Variants in TLE3 observed in about 807,000 individuals in gnomAD.
TLE3 encodes the protein transducin-like enhancer protein 3.
Under a neutral mutation model 93.0 loss-of-function variants are expected in TLE3, and 14 were observed. That is an observed-to-expected ratio of 0.15 (90% CI 0.10 to 0.24). TLE3 has a LOEUF of 0.24. Ranked by LOEUF, TLE3 falls within the 10% of genes least tolerant of loss-of-function variation. The pLI, the probability that TLE3 is intolerant of heterozygous loss-of-function variation, is 1.00. For missense variants in TLE3, 693 were observed against 1,046.6 expected, an observed-to-expected ratio of 0.66 and a Z score of 4.66; for synonymous variants, 451 against 425.0, an observed-to-expected ratio of 1.06 and a Z score of -0.75.
chr15:70,054,781 T>C (rs758760268), intron 15 of TLE3, 96 bp from the exon 16 acceptor site: 9 of 1,431,994 alleles, frequency 6.3e-6, no homozygotes, highest in Non-Finnish European at 7.4e-6. Context: ...TCACCAGTCC[T>C]GCTTACAGCC....
intron 3 of TLE3, among the ~76,000 whole-genome samples, chr15:70,095,179 T>C (rs1405474730): frequency 1.3e-5 from 2 of 152,024 alleles, no homozygotes; most frequent in Admixed American, 1.3e-4. Context: ...AGCAGAAAAG[T>C]TTCCAAACAC....
intron 19 of TLE3, chr15:70,050,543 A>C (rs1172889149): frequency 5.6e-6 from 1 of 179,586 alleles, no homozygotes; most frequent in African/African-American, 2.3e-5. Flanking sequence ...GTTTACAAAT[A>C]GGAAGAAGCA....
At chr15:70,052,116 C>A (rs774991361) in intron 18 of TLE3, among the ~76,000 whole-genome samples, 1 of 152,186 alleles carries the variant, frequency 6.6e-6, no homozygotes, top group Admixed American at 6.5e-5. Context: ...TGTTCCTTTG[C>A]CCCAAGCCTG....
chr15:70,071,535 G>A (rs991545563), intron 6 of TLE3, among the ~76,000 whole-genome samples: 3 of 152,128 alleles, frequency 2.0e-5, no homozygotes, highest in Non-Finnish European at 2.9e-5. Flanking sequence ...TGCCCATGCC[G>A]GAGGTATCTG....
At position 70,094,519 on chromosome 15, in the gene TLE3, G is replaced by C; in HGVS notation, c.234+13C>G. 6.5e-7 allele frequency: 1 copy of C among 1,535,492 alleles called. No homozygotes were observed. The highest frequency in any genetic ancestry group is 1.2e-5 in the South Asian group (1 of 80,764). ...AAAAATGAAATATATTTTTAAAAGA[G>C]AAAAGCACTTACCTGCTTGTGCATT... On this transcript the variant is annotated intron_variant, in intron 4 of 19. Coordinates refer to ENST00000451782, the MANE Select transcript of TLE3 (RefSeq NM_001105192.3).
chr15:70,054,302 G>C (rs912319647), intron 16 of TLE3, 136 bp downstream of exon 16: 99 of 1,296,690 alleles, frequency 7.6e-5, no homozygotes, highest in Non-Finnish European at 7.8e-5. Flanking sequence ...CTTTTCACCT[G>C]TGCATCCCTC....
chr15:70,051,525 A>C (rs1595852549), intron 18 of TLE3, 58 bp from the exon 19 acceptor site: 1 of 1,488,268 alleles, frequency 6.7e-7, no homozygotes. Context: ...CTAAAGCAAG[A>C]CCTGCCCTAG....
intron 17 of TLE3, chr15:70,052,766 A>T (rs536380917): frequency 3.1e-4 from 65 of 206,530 alleles, no homozygotes; most frequent in African/African-American, 2.0e-3. Context: ...AAAGTGAGTT[A>T]AAAAAAAAAA....
rs2228178 is a variant in TLE3, at chr15:70,054,584, C to T, written c.1680G>A (p.Ser560=). 0.44 allele frequency: 707,037 copies of T among 1,612,614 alleles called. 158,368 individuals are homozygous for T. The highest frequency in any genetic ancestry group is 0.59 in the Middle Eastern group (3,580 of 6,056). ...GCTCGGCCTTGATGCGGGGCGTGGG[C>T]GAGGCCAGGTCCCAGATGGTGAGCG... The part of the protein sequence containing the change: ...ASTLTIWDLA[S]PTPRIKAELT... Residue 560 remains serine, a synonymous_variant, in exon 16 of 20, where the codon TCG becomes TCA. Transcript: ENST00000451782.
intron 4 of TLE3, among the ~76,000 whole-genome samples, chr15:70,083,835 G>GA (rs2057911957): frequency 6.6e-6 from 1 of 152,120 alleles, no homozygotes; most frequent in South Asian, 2.1e-4. Flanking sequence ...GGACTCTTTG[G>GA]AAAACCCAAG....
chr15:70,049,092 C>G lies in TLE3; in HGVS notation c.*1005G>C, dbSNP rs1258761067. 6.6e-6 allele frequency: 1 copy of G among 151,722 alleles called. No individual in the cohort carries two copies. The highest frequency in any genetic ancestry group is 1.9e-4 in the East Asian group (1 of 5,186). The allele number at this position is 151,722 out of a possible 1,614,324, so 9.4% of individuals were successfully genotyped here. ...GCTATGCTGTCTTCTAACTTTTTGT[C>G]CTTTTTAGGCTGTGTCCCAAGATTC... is the stretch of plus-strand genomic sequence containing the variant. On this transcript the variant is annotated 3_prime_UTR_variant, in exon 20 of 20. Coordinates refer to ENST00000451782, the MANE Select transcript of TLE3 (RefSeq NM_001105192.3).
In TLE3 at chr15:70,058,478, G is replaced by C; in HGVS notation, c.918+185C>G. ...CTGGGGTGATCACTCCCATTTTACA[G>C]ACGTAGCAACCGAGGCTCAGAAACG... On this transcript the variant is annotated intron_variant, in intron 11 of 19. Transcript: ENST00000451782. The surrounding 1 kb of genome is among the most constrained non-coding windows in gnomAD (Gnocchi z 4.1). The C allele has an allele frequency of 7.8e-7, 1 of 1,288,838 alleles. No homozygotes were observed. The highest frequency in any genetic ancestry group is 1.1e-6 in the Non-Finnish European group (1 of 947,210). The allele number at this position is 1,288,838 out of a possible 1,614,324, so 79.8% of individuals were successfully genotyped here.
chr15:70,069,886 T>C (rs1595923666), intron 6 of TLE3, among the ~76,000 whole-genome samples: 1 of 152,262 alleles, frequency 6.6e-6, no homozygotes, highest in Non-Finnish European at 1.5e-5. Flanking sequence ...TCAGGCTGTA[T>C]TCCTATCCCC....
In TLE3 at chr15:70,097,412, C is replaced by G; in HGVS notation, c.-614G>C. ...CCGGCGCGGGCGCTTCGACGCCCCC[C>G]CTCGGAGAGGAGAGCCTGCTGTTCC... On this transcript the variant is annotated 5_prime_UTR_variant, in exon 1 of 20. Coordinates refer to ENST00000451782, the MANE Select transcript of TLE3 (RefSeq NM_001105192.3). 1 of 411,412 alleles carries G rather than the reference C, an allele frequency of 2.4e-6. No homozygotes were observed. The highest frequency in any genetic ancestry group is 4.3e-6 in the Non-Finnish European group (1 of 233,616). 25.5% of individuals were successfully genotyped at this position (411,412 alleles called of 1,614,324 possible). A position where few individuals can be genotyped will look rare whatever the true frequency, so the allele number is the denominator to read the frequency against.
Position 70,050,470 on chromosome 15 carries a change from G to A in TLE3, c.2203-266C>T, listed in dbSNP as rs538788089. ...GAAAAGCTCAGTAACAGTCTCCCAC[G>A]TGATCTTTACAGTAAGTCATAATGA... On this transcript the variant is annotated intron_variant, in intron 19 of 19. Coordinates refer to ENST00000451782, the MANE Select transcript of TLE3 (RefSeq NM_001105192.3). 143 of 372,832 alleles carry A rather than the reference G, an allele frequency of 3.8e-4. 1 individual carries two copies. The highest frequency in any genetic ancestry group is 3.9e-4 in the Non-Finnish European group (78 of 197,554). 23.1% of individuals were successfully genotyped at this position (372,832 alleles called of 1,614,324 possible).
intron 8 of TLE3, 110 bp from the exon 9 acceptor site, chr15:70,060,759 A>C (rs1324443568): frequency 6.5e-7 from 1 of 1,540,970 alleles, no homozygotes; most frequent in Non-Finnish European, 8.8e-7. Flanking sequence ...AGGGAAGAGA[A>C]GCTGAACTCC....
chr15:70,082,855 CG>C (rs2057851354), intron 4 of TLE3, among the ~76,000 whole-genome samples: 1 of 152,176 alleles, frequency 6.6e-6, no homozygotes, highest in Non-Finnish European at 1.5e-5. Context: ...CAGCTAGGAC[CG>C]ATCAACGGCA....
chr15:70,051,509 T>C (rs1242394028), intron 18 of TLE3, 42 bp from the exon 19 acceptor site: 2 of 1,561,734 alleles, frequency 1.3e-6, no homozygotes, highest in South Asian at 1.2e-5. Context: ...TGTAGCTCAC[T>C]GCCCTCTAAA....
chr15:70,053,553 C>G (rs950301701), intron 16 of TLE3, 179 bp from the exon 17 acceptor site: 5 of 650,000 alleles, frequency 7.7e-6, no homozygotes, highest in African/African-American at 1.8e-5. Context: ...AGTTCCAGGC[C>G]TCTTTCCAGT....
Sources: gnomAD v4.1 joint callset for allele counts (sites outside exome capture counted in the v4.1 genomes callset) on GRCh38, gnomAD v4.1.1 for gene constraint, Gnocchi (gnomAD v3.1) non-coding constraint, MANE v1.5 for transcripts, NCBI Gene and HGNC (gene_info 2026-07-23, HGNC 2026-07-21) for gene names.